Variants in ITPK1 observed in about 807,000 individuals in gnomAD.
ITPK1 encodes inositol-tetrakisphosphate 1-kinase, also known as inositol 1,3,4-trisphosphate 5/6-kinase.
Under a neutral mutation model 45.3 loss-of-function variants are expected in ITPK1, and 21 were observed. The observed-to-expected ratio is 0.46, with a 90% CI of 0.33 to 0.67. The LOEUF (loss-of-function observed/expected upper bound fraction) is 0.67, where lower values mean the gene tolerates loss of function less well. Among genes scored for constraint, ITPK1 ranks in the 30% least tolerant of loss-of-function variants. The probability of loss-of-function intolerance (pLI) is 0.02; values close to 1 mark genes in which losing one functional copy is unlikely to be tolerated. For synonymous variants in ITPK1, 258 were observed against 253.6 expected (o/e 1.02, Z -0.16); for missense variants, 474 against 573.5 (o/e 0.83, Z 1.77).
intron 5 of ITPK1, among the ~76,000 whole-genome samples, chr14:92,981,792 G>A (rs991055250): frequency 2.0e-5 from 3 of 152,262 alleles, no homozygotes; most frequent in African/African-American, 7.2e-5. Context: ...GTGCGATGAG[G>A]GCAGCAAAGG....
rs777846870 is a variant in ITPK1 at position 93,004,006 on chromosome 14, C to A, written c.247-10009G>T. Among the ~76,000 whole-genome samples, 9 of 152,238 alleles carry A rather than the reference C, an allele frequency of 5.9e-5. 1 individual carries two copies. The highest frequency in any genetic ancestry group is 1.2e-4 in the Non-Finnish European group (8 of 68,040). On this transcript the variant is annotated intron_variant, in intron 4 of 10. Coordinates refer to ENST00000267615, the MANE Select transcript of ITPK1 (RefSeq NM_014216.6). Reference sequence around the variant, plus strand: ...TTATTTGATTCTGTGATGTGACGAACAAACCAAAAACAGAGCTGTTAGGCC... The same window carrying A: ...TTATTTGATTCTGTGATGTGACGAAAAAACCAAAAACAGAGCTGTTAGGCC...
chr14:92,983,496 CA>C (rs1287947790), intron 5 of ITPK1, among the ~76,000 whole-genome samples: 4 of 152,174 alleles, frequency 2.6e-5, no homozygotes, highest in Admixed American at 2.0e-4. Flanking sequence ...TCTAATTAAT[CA>C]ACAAGCCCAA....
At chr14:93,008,642 C>G (rs953811775) in intron 4 of ITPK1, among the ~76,000 whole-genome samples, 1 of 152,158 alleles carries the variant, frequency 6.6e-6, no homozygotes, top group Non-Finnish European at 1.5e-5. Flanking sequence ...GTGGTTTACC[C>G]GGCCGGCTGT....
rs75821308 is a variant in ITPK1 at position 93,093,110 on chromosome 14, G to A, written c.96-16491C>T. 3.6e-3 allele frequency among the ~76,000 whole-genome samples: 541 copies of A among 152,262 alleles called. 3 individuals carry two copies. The highest frequency in any genetic ancestry group is 0.017 in the Middle Eastern group (5 of 294). On this transcript the variant is annotated intron_variant, in intron 2 of 10. Coordinates refer to ENST00000267615, the MANE Select transcript of ITPK1 (RefSeq NM_014216.6). ...ATGGCTACTCAACAAGCAGGATGCC[G>A]TTCTGTGACCAAGTCCAGGCCTGCA...
At chr14:93,028,416 A>T (rs1470958262) in intron 3 of ITPK1, among the ~76,000 whole-genome samples, 2 of 152,156 alleles carry the variant, frequency 1.3e-5, no homozygotes, top group Non-Finnish European at 2.9e-5. Flanking sequence ...CAGCCAGGAC[A>T]ATCTCTCCCC....
intron 3 of ITPK1, among the ~76,000 whole-genome samples, chr14:93,040,060 G>A (rs1290964804): frequency 6.6e-6 from 1 of 152,256 alleles, no homozygotes; most frequent in African/African-American, 2.4e-5. Context: ...CGGGAAGAAC[G>A]CCCAGTGCCA....
intron 9 of ITPK1, 62 bp downstream of exon 9, chr14:92,951,884 G>T: frequency 7.4e-7 from 1 of 1,345,356 alleles, no homozygotes; most frequent in Non-Finnish European, 1.0e-6. Flanking sequence ...GGCCACAGCA[G>T]CCCACACCTA....
chr14:92,940,892 T>A lies in ITPK1; in HGVS notation c.*669A>T. ...TGTGCAGGGCTAAATGGGACGTGTG[T>A]TGGGGGGCCCAGAGGACGCCCAGCT... On this transcript the variant is annotated 3_prime_UTR_variant, in exon 11 of 11. Coordinates refer to ENST00000267615, the MANE Select transcript of ITPK1 (RefSeq NM_014216.6). 1 of 1,288,548 alleles carries A rather than the reference T, an allele frequency of 7.8e-7. No individual in the cohort carries two copies. Among genetic ancestry groups the A allele is most frequent in the South Asian group, 1.2e-5 (1 of 80,984 alleles). 79.8% of individuals were successfully genotyped at this position (1,288,548 alleles called of 1,614,324 possible).
chr14:92,938,860 C>A lies in ITPK1; in HGVS notation c.*2701G>T, dbSNP rs1887225766. On this transcript the variant is annotated 3_prime_UTR_variant, in exon 11 of 11. Transcript: ENST00000267615. ...AAAGCACTGTCAGGCAGAACTTGAC[C>A]CACGGCCTCAGCCCCAGGGTGCTCA... is the stretch of plus-strand genomic sequence containing the variant. 4.6e-6 allele frequency: 2 copies of A among 432,804 alleles called. No individual in the cohort carries two copies. The highest frequency in any genetic ancestry group is 7.7e-5 in the Admixed American group (2 of 25,944). The allele number at this position is 432,804 out of a possible 1,614,324, so 26.8% of individuals were successfully genotyped here.
intron 3 of ITPK1, among the ~76,000 whole-genome samples, chr14:93,022,563 A>G (rs1438208495): frequency 2.7e-5 from 4 of 149,470 alleles, no homozygotes; most frequent in Admixed American, 6.7e-5. Flanking sequence ...TCGAGGCTGG[A>G]GTACAGTGGC....
chr14:92,999,187 C>A (rs1887207956), intron 4 of ITPK1, among the ~76,000 whole-genome samples: 1 of 152,228 alleles, frequency 6.6e-6, no homozygotes, highest in Non-Finnish European at 1.5e-5. Flanking sequence ...GCCCAGGGGC[C>A]CGGACTGACC....
Position 93,115,285 on chromosome 14 carries a change from T to A in ITPK1, c.-122A>T, listed in dbSNP as rs1892897980. 1.6e-6 allele frequency: 1 copy of A among 623,620 alleles called. No homozygotes were observed. The highest frequency in any genetic ancestry group is 2.7e-5 in the Admixed American group (1 of 37,384). 38.6% of individuals were successfully genotyped at this position (623,620 alleles called of 1,614,324 possible). A position where few individuals can be genotyped will look rare whatever the true frequency, so the allele number is the denominator to read the frequency against. On this transcript the variant is annotated 5_prime_UTR_variant, in exon 2 of 11. Transcript: ENST00000267615. Reference sequence around the variant, plus strand: ...CGGCGGCGGGGACGCGGAACGGGGATCGGAGCTGGGGCGCGCAGTCCTGCC... The same window carrying A: ...CGGCGGCGGGGACGCGGAACGGGGAACGGAGCTGGGGCGCGCAGTCCTGCC...
chr14:92,988,205 G>A (rs950252602), intron 5 of ITPK1, among the ~76,000 whole-genome samples: 19 of 152,150 alleles, frequency 1.2e-4, no homozygotes, highest in African/African-American at 4.1e-4. Context: ...CAGACCCTTC[G>A]ATGGGGCACG....
intron 4 of ITPK1, among the ~76,000 whole-genome samples, chr14:92,994,629 A>G (rs1886958297): frequency 6.6e-6 from 1 of 152,202 alleles, no homozygotes; most frequent in African/African-American, 2.4e-5. Context: ...TCAATAAAAT[A>G]ATGGGCAGAA....
chr14:93,011,365 C>A (rs1217800128), intron 4 of ITPK1, among the ~76,000 whole-genome samples: 2 of 152,186 alleles, frequency 1.3e-5, no homozygotes, highest in African/African-American at 4.8e-5. Context: ...CCAAACATCA[C>A]CCCCTCCCAC....
At chr14:93,006,475 G>A (rs1177017732) in intron 4 of ITPK1, among the ~76,000 whole-genome samples, 1 of 152,236 alleles carries the variant, frequency 6.6e-6, no homozygotes, top group South Asian at 2.1e-4. Context: ...CGCAAATGGG[G>A]CACCCTGAAT....
chr14:92,952,875 G>T (rs1888023828), intron 8 of ITPK1, among the ~76,000 whole-genome samples: 1 of 152,270 alleles, frequency 6.6e-6, no homozygotes, highest in Admixed American at 6.5e-5. Context: ...GCAAATGCAA[G>T]AATTGCAGAA....
In ITPK1 at chr14:93,017,673, G is replaced by C. The variant is rs1595140741; in HGVS notation, c.121-872C>G. 2.6e-5 allele frequency among the ~76,000 whole-genome samples: 4 copies of C among 152,370 alleles called. No individual in the cohort carries two copies. The South Asian group carries it at 8.3e-4, about 32-fold the overall frequency. ...GGCAGCGGCGCCAGCCCGGCACCTGGCTGACCCCCAATCTGGCCTTAGCAG... is the reference window on the plus strand; with the variant it reads ...GGCAGCGGCGCCAGCCCGGCACCTGCCTGACCCCCAATCTGGCCTTAGCAG... On this transcript the variant is annotated intron_variant, in intron 3 of 10. Coordinates refer to ENST00000267615, the MANE Select transcript of ITPK1 (RefSeq NM_014216.6).
intron 3 of ITPK1, among the ~76,000 whole-genome samples, chr14:93,061,269 T>G (rs991563643): frequency 2.6e-5 from 4 of 152,152 alleles, no homozygotes; most frequent in Non-Finnish European, 5.9e-5. Flanking sequence ...ACCTTAGAGG[T>G]TGGTGTTACG....
Sources: gnomAD v4.1 joint callset for allele counts (sites outside exome capture counted in the v4.1 genomes callset) on GRCh38, gnomAD v4.1.1 for gene constraint, MANE v1.5 for transcripts, NCBI Gene and HGNC (gene_info 2026-07-23, HGNC 2026-07-21) for gene names.